Variants in KIF18B observed in about 807,000 individuals in gnomAD.
KIF18B encodes the protein kinesin family member 18B.
KIF18B carries 49 observed loss-of-function variants against 80.9 expected under a neutral mutation model. The observed-to-expected ratio is 0.61, with a 90% CI of 0.48 to 0.77. The LOEUF is 0.77. KIF18B is among the 30% of genes least tolerant of loss of function. The pLI, the probability that KIF18B is intolerant of heterozygous loss-of-function variation, is 0.00. For missense variants in KIF18B, 994 were observed against 1,127.7 expected (o/e 0.88, Z 1.70); for synonymous variants, 439 against 463.9 (o/e 0.95, Z 0.69).
In KIF18B at chr17:44,927,171, G is replaced by A. The variant is rs2052047285; in HGVS notation, c.2277-93C>T. On this transcript the variant is annotated intron_variant, in intron 13 of 15. Transcript: ENST00000593135. The surrounding 1 kb of genome is among the most constrained non-coding windows in gnomAD (Gnocchi z 4.1). ...CCTCCAGCCCCCAGCTCGGGCATGG[G>A]GGAGGGTGGTTGGACAAGATGACCT... 1.1e-6 allele frequency: 1 copy of A among 930,536 alleles called. No homozygotes were observed. The highest frequency in any genetic ancestry group is 1.6e-6 in the Non-Finnish European group (1 of 618,910). The allele number at this position is 930,536 out of a possible 1,614,324, so 57.6% of individuals were successfully genotyped here.
At chr17:44,926,316 C>A in intron 15 of KIF18B, 98 bp downstream of exon 15, 1 of 1,558,178 alleles carries the variant, frequency 6.4e-7, no homozygotes, top group Non-Finnish European at 8.7e-7. Flanking sequence ...ATACCCTAGG[C>A]CCTCCTTTCT....
intron 1 of KIF18B, among the ~76,000 whole-genome samples, chr17:44,946,351 T>C (rs2052512720): frequency 6.6e-6 from 1 of 152,102 alleles, no homozygotes; most frequent in African/African-American, 2.4e-5. Context: ...AATTCAATAA[T>C]GAAATGGGCA....
chr17:44,935,222 G>T, intron 3 of KIF18B, 37 bp downstream of exon 3: 1 of 1,549,596 alleles, frequency 6.5e-7, no homozygotes, highest in Non-Finnish European at 8.7e-7. Context: ...CCCCCCGGGT[G>T]GTTGTGAGAA....
Position 44,934,969 on chromosome 17 carries a change from G to T in KIF18B, c.472-34C>A. Reference sequence around the variant, plus strand: ...GGAAGAAAGGAAGAGGCCTGAGGGAGAGCGGCCCATCAGGAAACCTCTCCC... The same window carrying T: ...GGAAGAAAGGAAGAGGCCTGAGGGATAGCGGCCCATCAGGAAACCTCTCCC... On this transcript the variant is annotated intron_variant, in intron 3 of 15. Transcript: ENST00000593135. The surrounding 1 kb of genome is among the most constrained non-coding windows in gnomAD (Gnocchi z 5.4). 1.4e-6 allele frequency: 2 copies of T among 1,426,644 alleles called. No individual in the cohort carries two copies. The highest frequency in any genetic ancestry group is 2.5e-5 in the South Asian group (2 of 78,974). 88.4% of individuals were successfully genotyped at this position (1,426,644 alleles called of 1,614,324 possible).
intron 1 of KIF18B, among the ~76,000 whole-genome samples, chr17:44,947,330 G>C (rs1375302356): frequency 1.3e-5 from 2 of 152,052 alleles, no homozygotes; most frequent in Non-Finnish European, 2.9e-5. Flanking sequence ...ACGTACAGAG[G>C]GCCAGGCCCC....
intron 1 of KIF18B, among the ~76,000 whole-genome samples, chr17:44,942,159 T>C (rs913790598): frequency 4.6e-5 from 7 of 152,174 alleles, no homozygotes; most frequent in Admixed American, 2.6e-4. Flanking sequence ...GGGAGATTAA[T>C]GAGAGAATGT....
intron 7 of KIF18B, among the ~76,000 whole-genome samples, chr17:44,933,519 G>A (rs1424665761): frequency 1.3e-5 from 2 of 150,442 alleles, no homozygotes; most frequent in Non-Finnish European, 3.0e-5. Context: ...TTGAGACAGA[G>A]TCTAGCTCTG....
At chr17:44,943,720 T>G (rs2052461185) in intron 1 of KIF18B, among the ~76,000 whole-genome samples, 1 of 152,174 alleles carries the variant, frequency 6.6e-6, no homozygotes, top group Non-Finnish European at 1.5e-5. Context: ...TCCTTTTTTA[T>G]TTTTTTAGAC....
intron 14 of KIF18B, among the ~76,000 whole-genome samples, 188 bp from the exon 15 acceptor site, chr17:44,926,687 G>A (rs1007216087): frequency 2.0e-5 from 3 of 152,194 alleles, no homozygotes; most frequent in Admixed American, 6.5e-5. Context: ...GGACACAAGA[G>A]GGAAGTAGCA....
intron 1 of KIF18B, among the ~76,000 whole-genome samples, chr17:44,940,746 A>C (rs2052400958): frequency 6.6e-6 from 1 of 152,224 alleles, no homozygotes; most frequent in Non-Finnish European, 1.5e-5. Flanking sequence ...TCATTCAGCA[A>C]AGAAAAGTGG....
chr17:44,947,113 CAAAAAAAAAAAAAAA>C (rs57955845), intron 1 of KIF18B, among the ~76,000 whole-genome samples: 3 of 54,000 alleles, frequency 5.6e-5, no homozygotes, highest in South Asian at 7.8e-4. Flanking sequence ...ACTCCATCTC[CAAAAAAAAAAAAAAA>C]AAAAAAAAAA....
At chr17:44,936,663 G>A (rs1232298357) in intron 1 of KIF18B, among the ~76,000 whole-genome samples, 6 of 76,944 alleles carry the variant, frequency 7.8e-5, no homozygotes, top group Admixed American at 4.1e-4. Context: ...TTTTTGAGAC[G>A]GACTCTTGCT....
chr17:44,936,159 C>T lies in KIF18B; in HGVS notation c.186G>A (p.Lys62=), dbSNP rs747167972. ...CAAACGTCAGGTCTTTGCCCTTCTT[C>T]TTGGGGCCATCATGGGTGCCACCCC... ...LKWGGTHDGP[K]KKGKDLTFVF... is the part of the protein sequence containing the mutation. Residue 62 remains lysine, a synonymous_variant, in exon 2 of 16, where the codon AAG becomes AAA. Coordinates refer to ENST00000593135, the MANE Select transcript of KIF18B (RefSeq NM_001265577.2). The T allele has an allele frequency of 9.9e-6, 16 of 1,613,396 alleles. No homozygotes were observed. The highest frequency in any genetic ancestry group is 6.6e-5 in the South Asian group (6 of 91,014).
rs1425314176 is a variant in KIF18B at position 44,924,973 on chromosome 17, G to A, written c.*1107C>T. ...CATCTTCACCAGGACTGTGGTTGGG[G>A]ACCAAGGGGAGTAGGGATGAAGATG... On this transcript the variant is annotated 3_prime_UTR_variant, in exon 16 of 16. Transcript: ENST00000593135. 1 of 152,108 alleles carries A rather than the reference G, an allele frequency of 6.6e-6. No homozygotes were observed. The highest frequency in any genetic ancestry group is 1.5e-5 in the Non-Finnish European group (1 of 68,044). 9.4% of individuals were successfully genotyped at this position (152,108 alleles called of 1,614,324 possible). A position where few individuals can be genotyped will look rare whatever the true frequency, so the allele number is the denominator to read the frequency against.
Position 44,928,815 on chromosome 17 carries a change from T to C in KIF18B, c.1723+4A>G. On this transcript the variant is annotated splice_donor_region_variant and intron_variant, in intron 12 of 15. Transcript: ENST00000593135. Reference sequence around the variant, plus strand: ...CAGGCAGGGGAGAGCAGGATGAGACTCACTTGACTCTGAACACAGCTCCTG... The same window carrying C: ...CAGGCAGGGGAGAGCAGGATGAGACCCACTTGACTCTGAACACAGCTCCTG... 1.9e-6 allele frequency: 3 copies of C among 1,613,136 alleles called. No homozygotes were observed. Among genetic ancestry groups the C allele is most frequent in the Non-Finnish European group, 2.5e-6 (3 of 1,179,550 alleles).
intron 11 of KIF18B, among the ~76,000 whole-genome samples, chr17:44,930,562 G>A (rs2052123730): frequency 6.6e-6 from 1 of 152,180 alleles, no homozygotes; most frequent in Admixed American, 6.5e-5. Context: ...TGGCTGTTAG[G>A]ACGTTTCCAA....
In KIF18B at chr17:44,933,930, C is replaced by G; in HGVS notation, c.1055G>C (p.Arg352Thr). The G allele has an allele frequency of 6.4e-7, 1 of 1,564,736 alleles. No individual in the cohort carries two copies. The highest frequency in any genetic ancestry group is 1.9e-5 in the Admixed American group (1 of 52,752). The change falls in exon 7 of 16, where the codon AGG (arginine) becomes ACG (threonine). Residue 352 changes from arginine to threonine, a missense_variant. Transcript: ENST00000593135. ...LKYADRAKEI[R>T]LSLKSNVTSL... ...GCCCTGGCTGGCACGCACCGAGAGC[C>G]TGATCTCCTTGGCCCGGTCGGCATA...
At chr17:44,944,399 T>C (rs1237203573) in intron 1 of KIF18B, among the ~76,000 whole-genome samples, 1 of 152,024 alleles carries the variant, frequency 6.6e-6, no homozygotes, top group Admixed American at 6.6e-5. Flanking sequence ...CCTGCCACCA[T>C]GCCCGGCTAT....
chr17:44,934,094 G>A lies in KIF18B; in HGVS notation c.891C>T (p.Arg297=), dbSNP rs2145700974. The A allele has an allele frequency of 6.2e-7, 1 of 1,612,450 alleles. No homozygotes were observed. Among genetic ancestry groups the A allele is most frequent in the Non-Finnish European group, 8.5e-7 (1 of 1,179,388 alleles). ...TGTCCCGGTAGGGCACATGGGTCTT[G>A]CGGCCCTGGGGGGCAGTAAGCAGGT... ...VLNALADAKG[R]KTHVPYRDSK... The change falls in exon 7 of 16, where the codon CGC becomes CGT. Residue 297 remains arginine, a synonymous_variant. Transcript: ENST00000593135. This position sits in a 1 kb window ranked among gnomAD's most constrained non-coding sequence, Gnocchi z 5.4.
Sources: allele counts gnomAD v4.1 joint callset (sites outside exome capture counted in the v4.1 genomes callset), GRCh38; gene constraint gnomAD v4.1.1; non-coding constraint Gnocchi (gnomAD v3.1); transcripts MANE v1.5; gene names NCBI Gene and HGNC (gene_info 2026-07-23, HGNC 2026-07-21).